PACS1: variants seen among roughly 807,000 people sequenced by gnomAD.
PACS1 encodes the protein phosphofurin acidic cluster sorting protein 1.
PACS1 carries 24 observed loss-of-function variants against 115.0 expected under a neutral mutation model. The ratio of observed to expected loss-of-function variants is 0.21; its 90% CI spans 0.15 to 0.29. The LOEUF (loss-of-function observed/expected upper bound fraction) is 0.29. Among genes scored for constraint, PACS1 ranks in the 10% least tolerant of loss-of-function variants. The probability of loss-of-function intolerance (pLI) is 1.00; values close to 1 mark genes in which losing one functional copy is unlikely to be tolerated. For synonymous variants in PACS1, 453 were observed against 504.5 expected, an observed-to-expected ratio of 0.90 and a Z score of 1.37; for missense variants, 838 against 1,251.2, an observed-to-expected ratio of 0.67 and a Z score of 4.98.
At chr11:66,232,884 T>C in intron 14 of PACS1, 76 bp from the exon 15 acceptor site, 1 of 1,113,604 alleles carries the variant, frequency 9.0e-7, no homozygotes, top group Non-Finnish European at 1.4e-6. Flanking sequence ...GGTCTGGGTC[T>C]CACTTGCCTC....
chr11:66,127,169 A>G (rs1423536812), intron 1 of PACS1, among the ~76,000 whole-genome samples: 1 of 152,166 alleles, frequency 6.6e-6, no homozygotes, highest in Non-Finnish European at 1.5e-5. Flanking sequence ...TGTCTACACA[A>G]TGTCTGTAGT....
intron 14 of PACS1, 49 bp downstream of exon 14, chr11:66,232,325 T>C: frequency 9.3e-7 from 1 of 1,076,544 alleles, no homozygotes; most frequent in Non-Finnish European, 1.4e-6. Context: ...GGGCAGGCAA[T>C]GCCCGGTTGC....
At chr11:66,191,459 A>G (rs1269762598) in intron 1 of PACS1, among the ~76,000 whole-genome samples, 1 of 152,156 alleles carries the variant, frequency 6.6e-6, no homozygotes, top group Admixed American at 6.5e-5. Flanking sequence ...GTCCACCACA[A>G]AGAGATTAGT....
intron 1 of PACS1, among the ~76,000 whole-genome samples, chr11:66,084,806 A>G (rs1857540240): frequency 6.6e-6 from 1 of 152,174 alleles, no homozygotes; most frequent in Non-Finnish European, 1.5e-5. Flanking sequence ...TGTGTAACAG[A>G]GCTCTTGAGG....
intron 10 of PACS1, among the ~76,000 whole-genome samples, chr11:66,225,200 C>T (rs1165060568): frequency 1.3e-5 from 2 of 152,208 alleles, no homozygotes; most frequent in Admixed American, 1.3e-4. Context: ...CTCTTGCCCC[C>T]TTCTCTCTGA....
At chr11:66,077,402 A>G (rs574714864) in intron 1 of PACS1, among the ~76,000 whole-genome samples, 131 of 152,316 alleles carry the variant, frequency 8.6e-4, no homozygotes, top group Non-Finnish European at 1.5e-3. Flanking sequence ...TCCACAAAAA[A>G]TAAACAAAAT....
At chr11:66,158,066 A>C (rs1377725553) in intron 1 of PACS1, among the ~76,000 whole-genome samples, 1 of 152,150 alleles carries the variant, frequency 6.6e-6, no homozygotes, top group African/African-American at 2.4e-5. Context: ...CCCTGGACTC[A>C]AGTGATCTTC....
At chr11:66,115,225 A>C (rs1008622256) in intron 1 of PACS1, among the ~76,000 whole-genome samples, 1 of 151,844 alleles carries the variant, frequency 6.6e-6, no homozygotes, top group African/African-American at 2.4e-5. Flanking sequence ...AAAAAAAAAA[A>C]AAAACTAGAA....
chr11:66,203,502 AT>A (rs1854864777), intron 2 of PACS1, among the ~76,000 whole-genome samples: 1 of 145,504 alleles, frequency 6.9e-6, no homozygotes, highest in Non-Finnish European at 1.5e-5. Flanking sequence ...GAAAAAAAAA[AT>A]CCTAAAATGT....
At chr11:66,201,410 G>A (rs1162041068) in intron 2 of PACS1, among the ~76,000 whole-genome samples, 13 of 151,988 alleles carry the variant, frequency 8.6e-5, no homozygotes, top group Admixed American at 8.5e-4. Context: ...AATGATAATG[G>A]AAACACAACA....
rs199839256 is a variant in PACS1, at chr11:66,242,367, T to TG, written c.2657-539dup. 7.6e-3 allele frequency among the ~76,000 whole-genome samples: 1,150 copies of TG among 152,270 alleles called. 23 individuals carry two copies. The highest frequency in any genetic ancestry group is 0.026 in the African/African-American group (1,072 of 41,552). On this transcript the variant is annotated intron_variant, in intron 22 of 23. Coordinates refer to ENST00000320580, the MANE Select transcript of PACS1 (RefSeq NM_018026.4). The stretch of plus-strand genomic sequence containing the variant: ...GTGACTCCCCTCTGCAGAGTTCCCC[T>TG]GGGGGGTCAGGCATGGGGCTGTGCC...
At chr11:66,243,139 C>G in intron 23 of PACS1, 26 bp from the exon 24 acceptor site, 1 of 1,611,472 alleles carries the variant, frequency 6.2e-7, no homozygotes, top group Middle Eastern at 1.7e-4. Context: ...GCAGTCTGGT[C>G]ACCCCTCCTC....
chr11:66,162,229 C>A (rs1208060595), intron 1 of PACS1, among the ~76,000 whole-genome samples: 2 of 142,562 alleles, frequency 1.4e-5, no homozygotes, highest in Admixed American at 7.6e-5. Context: ...TCAAGTGATT[C>A]TCCTGCCACA....
intron 1 of PACS1, among the ~76,000 whole-genome samples, chr11:66,139,575 T>G (rs946808264): frequency 1.3e-5 from 2 of 151,442 alleles, no homozygotes; most frequent in African/African-American, 4.9e-5. Flanking sequence ...AATTTTTAGC[T>G]CTCACAAGTA....
At chr11:66,211,662 C>T (rs971410634) in intron 4 of PACS1, among the ~76,000 whole-genome samples, 5 of 152,096 alleles carry the variant, frequency 3.3e-5, no homozygotes, top group South Asian at 2.1e-4. Context: ...GCACGATGCC[C>T]CATTACACGT....
intron 1 of PACS1, among the ~76,000 whole-genome samples, chr11:66,086,186 GGAGT>G (rs1397044182): frequency 2.1e-5 from 3 of 142,696 alleles, no homozygotes; most frequent in African/African-American, 7.8e-5. Context: ...CGCCCAGGCT[GGAGT>G]GCAGTGGCGC....
intron 2 of PACS1, 126 bp downstream of exon 2, chr11:66,193,699 C>T (rs1854583870): frequency 3.2e-6 from 2 of 623,530 alleles, no homozygotes; most frequent in Non-Finnish European, 2.9e-6. Flanking sequence ...GCAAGGTGCA[C>T]AGTGGAAAGA....
chr11:66,229,432 G>C (rs1276491143), intron 11 of PACS1, among the ~76,000 whole-genome samples: 1 of 151,430 alleles, frequency 6.6e-6, no homozygotes, highest in Non-Finnish European at 1.5e-5. Flanking sequence ...GGGGGCGGTG[G>C]TTCATGCCTG....
intron 1 of PACS1, among the ~76,000 whole-genome samples, chr11:66,151,353 A>G (rs1389629778): frequency 3.3e-5 from 5 of 152,130 alleles, no homozygotes; most frequent in Non-Finnish European, 5.9e-5. Context: ...TTCAGAGGAA[A>G]GACCCTAATA....
Sources: gnomAD v4.1 joint callset for allele counts (sites outside exome capture counted in the v4.1 genomes callset) on GRCh38, gnomAD v4.1.1 for gene constraint, MANE v1.5 for transcripts, NCBI Gene and HGNC (gene_info 2026-07-23, HGNC 2026-07-21) for gene names.